The following HDAC4 variants were observed in gnomAD, a reference collection of about 807,000 sequenced individuals.
HDAC4 encodes histone deacetylase A.
HDAC4 carries 16 observed loss-of-function variants against 135.1 expected under a neutral mutation model. The ratio of observed to expected loss-of-function variants is 0.12; its 90% CI spans 0.08 to 0.18. The LOEUF (loss-of-function observed/expected upper bound fraction) is 0.18. Among genes scored for constraint, HDAC4 ranks in the 10% least tolerant of loss-of-function variants. The pLI is 1.00. For missense variants in HDAC4, 1,143 were observed against 1,511.8 expected (o/e 0.76, Z 4.05); for synonymous variants, 685 against 653.4 (o/e 1.05, Z -0.74).
At chr2:239,095,433 C>T (rs2036928553) in intron 16 of HDAC4, among the ~76,000 whole-genome samples, 3 of 152,174 alleles carry the variant, frequency 2.0e-5, no homozygotes, top group Admixed American at 2.0e-4. Flanking sequence ...GCTCCAGGAC[C>T]CCGAGCCTGG....
chr2:239,178,592 G>A (rs986913799), intron 4 of HDAC4, among the ~76,000 whole-genome samples: 1 of 151,870 alleles, frequency 6.6e-6, no homozygotes, highest in Non-Finnish European at 1.5e-5. Context: ...CTCTGTTGCT[G>A]GGGCTGGTCT....
chr2:239,335,621 C>T (rs1691890595), intron 2 of HDAC4, among the ~76,000 whole-genome samples: 1 of 151,690 alleles, frequency 6.6e-6, no homozygotes, highest in Non-Finnish European at 1.5e-5. Flanking sequence ...AGAAATAGCT[C>T]CTACAACTCA....
At chr2:239,311,792 T>G (rs886833860) in intron 2 of HDAC4, among the ~76,000 whole-genome samples, 1 of 152,206 alleles carries the variant, frequency 6.6e-6, no homozygotes, top group Non-Finnish European at 1.5e-5. Flanking sequence ...GGAACAGTGA[T>G]GGGGCGGTGC....
At chr2:239,198,397 CGA>C (rs2045541253) in intron 3 of HDAC4, among the ~76,000 whole-genome samples, 3 of 152,160 alleles carry the variant, frequency 2.0e-5, no homozygotes, top group Admixed American at 6.5e-5. Context: ...CTACTGTCCA[CGA>C]GAGGCGCCTC....
In HDAC4 at chr2:239,205,448, G is replaced by C. The variant is rs79569723; in HGVS notation, c.95-15371C>G. 5.1e-4 allele frequency among the ~76,000 whole-genome samples: 77 copies of C among 152,334 alleles called. 2 individuals carry two copies. In the East Asian group the frequency reaches 0.015, roughly 29 times the overall value. On this transcript the variant is annotated intron_variant, in intron 3 of 26. Transcript: ENST00000543185. ...CTAAGAGAAAGCCACTGTCAAGCTA[G>C]AATCGCATTCACAGGGAAGCTATTC...
intron 3 of HDAC4, among the ~76,000 whole-genome samples, chr2:239,234,995 A>G (rs1338144710): frequency 2.0e-5 from 3 of 152,236 alleles, no homozygotes; most frequent in Non-Finnish European, 4.4e-5. Context: ...CAACACCGGC[A>G]AAGTGAACTT....
At chr2:239,135,679 A>C (rs2040902873) in intron 9 of HDAC4, among the ~76,000 whole-genome samples, 1 of 152,172 alleles carries the variant, frequency 6.6e-6, no homozygotes, top group African/African-American at 2.4e-5. Context: ...AGAAATAAGG[A>C]GATGGCCTGA....
chr2:239,330,375 G>A (rs2125815704), intron 2 of HDAC4, among the ~76,000 whole-genome samples: 1 of 152,378 alleles, frequency 6.6e-6, no homozygotes, highest in Middle Eastern at 3.4e-3. Context: ...GGTTCCAAAG[G>A]CCTGAGCAAG....
chr2:239,095,053 G>A lies in HDAC4; in HGVS notation c.2237C>T (p.Ser746Leu). ...GAGCCGGACGAACACGGAGGCGAGC[G>A]AGCCTGTGGGGGGGAGGGAGACGGT... ...QKLDSKKLLG[S>L]LASVFVRLPC... Residue 746 changes from serine to leucine, a missense_variant, in exon 17 of 27, where the codon TCG (serine) becomes TTG (leucine). This residue lies in a region of HDAC4 where 49 missense variants were observed against 55.6 expected (regional missense o/e 0.88). Transcript: ENST00000543185. 7 of 1,613,846 alleles carry A rather than the reference G, an allele frequency of 4.3e-6. No homozygotes were observed. The highest frequency in any genetic ancestry group is 2.2e-5 in the East Asian group (1 of 44,882).
chr2:239,182,643 CAG>C (rs1325820308), intron 4 of HDAC4, among the ~76,000 whole-genome samples: 2 of 152,102 alleles, frequency 1.3e-5, no homozygotes, highest in East Asian at 3.9e-4. Context: ...AGATTTATAA[CAG>C]ATTATCTGTA....
chr2:239,178,790 A>G (rs1251773606), intron 4 of HDAC4, among the ~76,000 whole-genome samples: 1 of 152,192 alleles, frequency 6.6e-6, no homozygotes, highest in Non-Finnish European at 1.5e-5. Context: ...GGCCCGAGGA[A>G]CTTTCTGTGG....
chr2:239,294,956 G>T (rs1043468135), intron 2 of HDAC4, among the ~76,000 whole-genome samples: 1 of 152,168 alleles, frequency 6.6e-6, no homozygotes, highest in African/African-American at 2.4e-5. Context: ...GACAACGCCC[G>T]TCTGATAAGA....
At chr2:239,147,389 T>C (rs920901394) in intron 7 of HDAC4, among the ~76,000 whole-genome samples, 2 of 152,250 alleles carry the variant, frequency 1.3e-5, no homozygotes, top group African/African-American at 4.8e-5. Flanking sequence ...GCCCTTCAAA[T>C]GCATGTGTCT....
chr2:239,373,617 C>T (rs1344509804), intron 1 of HDAC4, among the ~76,000 whole-genome samples: 4 of 152,156 alleles, frequency 2.6e-5, no homozygotes, highest in African/African-American at 7.2e-5. Context: ...GCGTGCACCA[C>T]CACGCCCAGC....
At chr2:239,386,015 G>A (rs1489661717) in intron 1 of HDAC4, among the ~76,000 whole-genome samples, 1 of 152,212 alleles carries the variant, frequency 6.6e-6, no homozygotes, top group African/African-American at 2.4e-5. Flanking sequence ...TGAGGGAGAA[G>A]GAATCTGGGT....
intron 5 of HDAC4, among the ~76,000 whole-genome samples, chr2:239,166,298 C>T (rs910040976): frequency 8.5e-5 from 13 of 152,170 alleles, no homozygotes; most frequent in African/African-American, 2.2e-4. Context: ...ATTAACTACA[C>T]GACCACCAGC....
chr2:239,081,214 C>T, intron 21 of HDAC4, 22 bp from the exon 22 acceptor site: 1 of 1,597,122 alleles, frequency 6.3e-7, no homozygotes, highest in Non-Finnish European at 8.6e-7. Flanking sequence ...AGGAGAGAAA[C>T]ACACGTCATG....
At chr2:239,097,738 G>T (rs189970648) in intron 16 of HDAC4, among the ~76,000 whole-genome samples, 91 of 152,340 alleles carry the variant, frequency 6.0e-4, no homozygotes, top group African/African-American at 2.2e-3. Context: ...GGGTGCCAAG[G>T]TGCCAAGCCA....
chr2:239,235,407 C>A (rs1177404329), intron 3 of HDAC4, among the ~76,000 whole-genome samples: 1 of 152,206 alleles, frequency 6.6e-6, no homozygotes, highest in Non-Finnish European at 1.5e-5. Context: ...ATGAGTGGGT[C>A]TAACTGGGGC....
Sources: allele counts gnomAD v4.1 joint callset (sites outside exome capture counted in the v4.1 genomes callset), GRCh38; gene constraint gnomAD v4.1.1; regional missense constraint gnomAD v4.1.1; transcripts MANE v1.5; gene names NCBI Gene and HGNC (gene_info 2026-07-23, HGNC 2026-07-21).